The following LYPLAL1 variants were observed in gnomAD, a reference collection of about 807,000 sequenced individuals.
The protein encoded by LYPLAL1 is lysophospholipase like 1, also known as lysophospholipase-like protein 1.
A neutral mutation model predicts 19.7 loss-of-function variants in LYPLAL1; 23 were observed. The ratio of observed to expected loss-of-function variants is 1.17; its 90% CI spans 0.84 to 1.65. The LOEUF (loss-of-function observed/expected upper bound fraction) is 1.65, where lower values mean the gene tolerates loss of function less well. LYPLAL1 is among the 40% of genes most tolerant of loss of function. LYPLAL1 has a pLI of 0.00. For synonymous variants in LYPLAL1, 119 were observed against 96.3 expected, an observed-to-expected ratio of 1.24 and a Z score of -1.38; for missense variants, 355 against 279.4, an observed-to-expected ratio of 1.27 and a Z score of -1.93.
At chr1:219,290,524 C>T in the LYPLAL1 span, among the ~76,000 whole-genome samples, 1 of 152,034 alleles carries the variant, frequency 6.6e-6, no homozygotes, top group African/African-American at 2.4e-5. Context: ...AGAAAAGTAA[C>T]CCTTTATCAC....
the LYPLAL1 span, among the ~76,000 whole-genome samples, chr1:219,303,754 C>A: frequency 2.0e-5 from 3 of 152,152 alleles, no homozygotes; most frequent in Non-Finnish European, 4.4e-5. Flanking sequence ...GAAACAAATA[C>A]AAATGGCACA....
chr1:219,353,408 T>C, the LYPLAL1 span, among the ~76,000 whole-genome samples: 1 of 152,208 alleles, frequency 6.6e-6, no homozygotes, highest in Non-Finnish European at 1.5e-5. Context: ...AGGACAACTA[T>C]TGGAGACAGA....
chr1:219,319,518 TG>T, the LYPLAL1 span, among the ~76,000 whole-genome samples: 1 of 152,162 alleles, frequency 6.6e-6, no homozygotes, highest in Non-Finnish European at 1.5e-5. Context: ...GGGCCAATTC[TG>T]GGGGATTCTG....
At chr1:219,354,928 G>A in the LYPLAL1 span, among the ~76,000 whole-genome samples, 1 of 152,158 alleles carries the variant, frequency 6.6e-6, no homozygotes, top group East Asian at 1.9e-4. Context: ...ATTGTATTAT[G>A]GGGACTTAAA....
the LYPLAL1 span, among the ~76,000 whole-genome samples, chr1:219,430,635 T>C: frequency 6.6e-6 from 1 of 152,182 alleles, no homozygotes; most frequent in African/African-American, 2.4e-5. Context: ...TCTTATTCCA[T>C]GTCTCTGTAG....
chr1:219,346,324 A>G, the LYPLAL1 span, among the ~76,000 whole-genome samples: 19 of 152,192 alleles, frequency 1.2e-4, no homozygotes, highest in African/African-American at 4.3e-4. Flanking sequence ...TTAGGGAAAC[A>G]GGAATTAGGG....
chr1:219,259,801 AAATT>A, the LYPLAL1 span, among the ~76,000 whole-genome samples: 1 of 151,588 alleles, frequency 6.6e-6, no homozygotes, highest in South Asian at 2.1e-4. Context: ...ATATATAAAT[AAATT>A]AAGAAAAAAG....
the LYPLAL1 span, among the ~76,000 whole-genome samples, chr1:219,322,358 C>A: frequency 6.6e-6 from 1 of 152,108 alleles, no homozygotes; most frequent in Non-Finnish European, 1.5e-5. Flanking sequence ...TACTGGCTTG[C>A]ACAGATAAAC....
At chr1:219,436,810 G>A in the LYPLAL1 span, among the ~76,000 whole-genome samples, 1 of 152,144 alleles carries the variant, frequency 6.6e-6, no homozygotes, top group Non-Finnish European at 1.5e-5. Flanking sequence ...CTCCATAAGA[G>A]AACAGCTGGC....
the LYPLAL1 span, among the ~76,000 whole-genome samples, chr1:219,309,005 G>A: frequency 1.3e-5 from 2 of 152,170 alleles, no homozygotes; most frequent in African/African-American, 2.4e-5. Context: ...CAGGAGGGAG[G>A]CTACACGCTG....
the LYPLAL1 span, among the ~76,000 whole-genome samples, chr1:219,297,252 T>C: frequency 6.6e-6 from 1 of 152,232 alleles, no homozygotes; most frequent in Non-Finnish European, 1.5e-5. Flanking sequence ...CCCAGATAGA[T>C]GCTTTTTGGA....
At chr1:219,377,437 A>G in the LYPLAL1 span, among the ~76,000 whole-genome samples, 1 of 152,202 alleles carries the variant, frequency 6.6e-6, no homozygotes, top group Non-Finnish European at 1.5e-5. Context: ...CAACAATGTG[A>G]ATGTATTTAA....
At chr1:219,235,751 T>G in the LYPLAL1 span, among the ~76,000 whole-genome samples, 1 of 152,212 alleles carries the variant, frequency 6.6e-6, no homozygotes, top group Non-Finnish European at 1.5e-5. Context: ...GGAGATTAAG[T>G]ACACTATACT....
At chr1:219,241,233 T>C in the LYPLAL1 span, among the ~76,000 whole-genome samples, 23 of 148,196 alleles carry the variant, frequency 1.6e-4, no homozygotes, top group Admixed American at 1.5e-3. Flanking sequence ...TGCCACTAAA[T>C]AGAAGCATCT....
the LYPLAL1 span, among the ~76,000 whole-genome samples, chr1:219,236,384 G>A: frequency 6.6e-6 from 1 of 152,336 alleles, no homozygotes; most frequent in East Asian, 1.9e-4. Flanking sequence ...AGCAAGTAAT[G>A]ATACCTCCAT....
At chr1:219,345,586 G>A in the LYPLAL1 span, among the ~76,000 whole-genome samples, 9 of 152,278 alleles carry the variant, frequency 5.9e-5, no homozygotes, top group East Asian at 1.7e-3. Flanking sequence ...GTTTTGGTGA[G>A]AACACAAACA....
chr1:219,336,528 C>A, the LYPLAL1 span, among the ~76,000 whole-genome samples: 4 of 151,820 alleles, frequency 2.6e-5, no homozygotes, highest in Admixed American at 2.6e-4. Flanking sequence ...AACACTGTTG[C>A]CATTGGGAAC....
At chr1:219,320,236 A>T in the LYPLAL1 span, among the ~76,000 whole-genome samples, 1 of 152,080 alleles carries the variant, frequency 6.6e-6, no homozygotes, top group South Asian at 2.1e-4. Flanking sequence ...ACAGACCTTC[A>T]ATCTATACTG....
chr1:219,250,291 T>C, the LYPLAL1 span, among the ~76,000 whole-genome samples: 1,205 of 152,078 alleles, frequency 7.9e-3, 15 homozygotes, highest in African/African-American at 0.027. Flanking sequence ...CCTACCACAC[T>C]GCCCTGTTAC....
Sources: gnomAD v4.1 joint callset for allele counts (sites outside exome capture counted in the v4.1 genomes callset) on GRCh38, gnomAD v4.1.1 for gene constraint, MANE v1.5 for transcripts, NCBI Gene and HGNC (gene_info 2026-07-23, HGNC 2026-07-21) for gene names.